SPAST: variants seen among roughly 807,000 people sequenced by gnomAD.
SPAST encodes the protein spastic paraplegia 4 (autosomal dominant; spastin).
SPAST carries 30 observed loss-of-function variants against 76.6 expected under a neutral mutation model. That is an observed-to-expected ratio of 0.39 (90% CI 0.29 to 0.53). The LOEUF (loss-of-function observed/expected upper bound fraction) is 0.53, where lower values mean the gene tolerates loss of function less well. Ranked by LOEUF, SPAST falls within the 20% of genes least tolerant of loss-of-function variation. The probability of loss-of-function intolerance (pLI) is 0.68; values close to 1 mark genes in which losing one functional copy is unlikely to be tolerated. For synonymous variants in SPAST, 305 were observed against 281.0 expected, an observed-to-expected ratio of 1.09 and a Z score of -0.86; for missense variants, 717 against 770.5, an observed-to-expected ratio of 0.93 and a Z score of 0.82.
intron 15 of SPAST, among the ~76,000 whole-genome samples, chr2:32,146,694 A>G (rs1250066317): frequency 6.6e-6 from 1 of 151,702 alleles, no homozygotes; most frequent in Non-Finnish European, 1.5e-5. Context: ...GTGAAACCGC[A>G]TCTCTACTGA....
intron 4 of SPAST, among the ~76,000 whole-genome samples, chr2:32,112,313 C>G (rs1000611486): frequency 2.0e-5 from 3 of 149,002 alleles, no homozygotes; most frequent in Non-Finnish European, 4.4e-5. Flanking sequence ...CTTATTTATT[C>G]TAGAACCTCG....
intron 4 of SPAST, among the ~76,000 whole-genome samples, chr2:32,104,364 T>C (rs1321030710): frequency 6.6e-6 from 1 of 152,178 alleles, no homozygotes; most frequent in Admixed American, 6.6e-5. Context: ...TGAGATGGGT[T>C]TCCTGAATAC....
At position 32,068,533 on chromosome 2, in the gene SPAST, A is replaced by G. The variant is rs374734168; in HGVS notation, c.415+4287A>G. Among the ~76,000 whole-genome samples the G allele has an allele frequency of 5.9e-5, 9 of 151,952 alleles. No homozygotes were observed. The East Asian group carries it at 1.4e-3, about 23-fold the overall frequency. ...GAGACAGCATTTCACCATGTTGGCC[A>G]GGCTGTTCTCGAACTCCTGGCCTCA... On this transcript the variant is annotated intron_variant, in intron 1 of 16. Transcript: ENST00000315285.
chr2:32,157,042 A>C lies in SPAST; in HGVS notation c.*2546A>C, dbSNP rs544819547. On this transcript the variant is annotated 3_prime_UTR_variant, in exon 17 of 17. Transcript: ENST00000315285. ...GGATTGGTTTGGTCTTTTTCAATAA[A>C]GATAGAAGTTGCTGAAGTTTTCTGA... is the stretch of plus-strand genomic sequence containing the variant. 6.6e-6 allele frequency: 1 copy of C among 152,620 alleles called. No homozygotes were observed. The highest frequency in any genetic ancestry group is 6.5e-5 in the Admixed American group (1 of 15,296). 9.5% of individuals were successfully genotyped at this position (152,620 alleles called of 1,614,324 possible).
At chr2:32,109,729 A>C (rs1021228573) in intron 4 of SPAST, among the ~76,000 whole-genome samples, 4 of 149,106 alleles carry the variant, frequency 2.7e-5, no homozygotes, top group Non-Finnish European at 5.9e-5. Flanking sequence ...AACTATATGT[A>C]TATATAACTA....
In SPAST at chr2:32,090,434, T is replaced by C. The variant is rs565930651; in HGVS notation, c.586+829T>C. The stretch of plus-strand genomic sequence containing the variant: ...TGACTTATTTTCCATTTATAAATAT[T>C]TCATATTATACCTCTAAAAGATAAG... On this transcript the variant is annotated intron_variant, in intron 3 of 16. Coordinates refer to ENST00000315285, the MANE Select transcript of SPAST (RefSeq NM_014946.4). Among the ~76,000 whole-genome samples the C allele has an allele frequency of 6.6e-5, 10 of 152,306 alleles. No homozygotes were observed. The South Asian group carries it at 1.7e-3, about 25-fold the overall frequency.
At chr2:32,088,141 G>A (rs1329159579) in intron 2 of SPAST, among the ~76,000 whole-genome samples, 1 of 151,898 alleles carries the variant, frequency 6.6e-6, no homozygotes, top group Non-Finnish European at 1.5e-5. Context: ...GCCCACCTCA[G>A]CCTCCCAAAG....
In SPAST at chr2:32,064,098, C is replaced by G. The variant is rs1177267355; in HGVS notation, c.267C>G (p.Ala89=). 9.3e-6 allele frequency: 15 copies of G among 1,609,328 alleles called. No individual in the cohort carries two copies. The highest frequency in any genetic ancestry group is 1.3e-5 in the African/African-American group (1 of 74,796). The change falls in exon 1 of 17, where the codon GCC becomes GCG. Residue 89 remains alanine (A), a synonymous_variant. Transcript: ENST00000315285. Reference sequence around the variant, plus strand: ...GCTTCTCCCGCGCCCTCATGGCAGCCAAGAGGAGCTCCGGGGCCGCGCCAG... The same window carrying G: ...GCTTCTCCCGCGCCCTCATGGCAGCGAAGAGGAGCTCCGGGGCCGCGCCAG... ...CQRFSRALMA[A]KRSSGAAPAP...
chr2:32,068,800 A>C (rs931562129), intron 1 of SPAST, among the ~76,000 whole-genome samples: 9 of 151,842 alleles, frequency 5.9e-5, no homozygotes, highest in African/African-American at 2.2e-4. Flanking sequence ...AGGGTGAGGC[A>C]GGAGAATCGC....
chr2:32,126,731 C>T, intron 7 of SPAST: 1 of 493,408 alleles, frequency 2.0e-6, no homozygotes. Context: ...ATGTAATCCT[C>T]CTGTCTTTGC....
At chr2:32,073,311 G>C (rs778097986) in intron 1 of SPAST, among the ~76,000 whole-genome samples, 2 of 152,132 alleles carry the variant, frequency 1.3e-5, no homozygotes, top group Non-Finnish European at 2.9e-5. Flanking sequence ...AGGATTACAG[G>C]CGTGAGCCAC....
chr2:32,063,894 TC>T lies in SPAST; in HGVS notation c.66del (p.Arg23GlyfsTer37). The T allele has an allele frequency of 6.3e-7, 1 of 1,580,662 alleles. No homozygotes were observed. The highest frequency in any genetic ancestry group is 1.1e-5 in the South Asian group (1 of 87,830). Reference sequence around the variant, plus strand: ...CCGGCGGCGCCAGCAACCCGGTGCCTCCCAGGCCTCCGCCCCCTTGCCTGGC... The same window carrying T: ...CCGGCGGCGCCAGCAACCCGGTGCCTCCAGGCCTCCGCCCCCTTGCCTGGC... Reference protein sequence around the residue: ...GSGGASNPVPPRPPPPCLAPA... With the variant: ...GSGGASNPVPXRPPPPCLAPA... On this transcript the variant is annotated frameshift_variant, in exon 1 of 17. Coordinates refer to ENST00000315285, the MANE Select transcript of SPAST (RefSeq NM_014946.4). LOFTEE classifies it high-confidence loss of function.
intron 16 of SPAST, among the ~76,000 whole-genome samples, chr2:32,152,166 T>A (rs1350049965): frequency 1.3e-5 from 2 of 152,244 alleles, no homozygotes; most frequent in Non-Finnish European, 2.9e-5. Flanking sequence ...ATCTGCCTTT[T>A]TCCTGTTGTA....
chr2:32,099,546 G>A (rs1678042327), intron 4 of SPAST, among the ~76,000 whole-genome samples: 1 of 151,696 alleles, frequency 6.6e-6, no homozygotes, highest in African/African-American at 2.4e-5. Flanking sequence ...TTTTTTAGTT[G>A]ACAGATAATG....
chr2:32,073,363 C>T (rs530616664), intron 1 of SPAST, among the ~76,000 whole-genome samples: 1 of 152,154 alleles, frequency 6.6e-6, no homozygotes, highest in African/African-American at 2.4e-5. Context: ...AGGATGTTCC[C>T]TAACACTTCC....
At chr2:32,122,805 T>G (rs950209472) in intron 7 of SPAST, among the ~76,000 whole-genome samples, 8 of 151,946 alleles carry the variant, frequency 5.3e-5, no homozygotes, top group African/African-American at 1.7e-4. Context: ...TGAATATCTT[T>G]GTTTGCAGAT....
chr2:32,157,069 TTAA>T lies in SPAST; in HGVS notation c.*2578_*2580del, dbSNP rs1234153183. 1 of 152,624 alleles carries T rather than the reference TTAA, an allele frequency of 6.6e-6. No individual in the cohort carries two copies. Among genetic ancestry groups the T allele is most frequent in the African/African-American group, 2.4e-5 (1 of 41,460 alleles). The allele number at this position is 152,624 out of a possible 1,614,324, so 9.5% of individuals were successfully genotyped here. On this transcript the variant is annotated 3_prime_UTR_variant, in exon 17 of 17. Transcript: ENST00000315285. ...ATAGAAGTTGCTGAAGTTTTCTGAA[TTAA>T]TAATGACTTAGATTGTGACCTTTTA...
intron 16 of SPAST, among the ~76,000 whole-genome samples, chr2:32,153,793 T>C (rs1398763210): frequency 6.6e-6 from 1 of 152,078 alleles, no homozygotes; most frequent in Non-Finnish European, 1.5e-5. Context: ...ATGCATACTT[T>C]AGGCTGGGCA....
intron 1 of SPAST, among the ~76,000 whole-genome samples, chr2:32,073,439 C>G (rs1443890822): frequency 6.6e-6 from 1 of 152,178 alleles, no homozygotes; most frequent in Non-Finnish European, 1.5e-5. Context: ...TGATGTCTGG[C>G]AAAGTATAGA....
Sources: gnomAD v4.1 joint callset for allele counts (sites outside exome capture counted in the v4.1 genomes callset) on GRCh38, gnomAD v4.1.1 for gene constraint, MANE v1.5 for transcripts, NCBI Gene and HGNC (gene_info 2026-07-23, HGNC 2026-07-21) for gene names.